The following SIPA1L1 variants were observed in gnomAD, a reference collection of about 807,000 sequenced individuals.
The protein encoded by SIPA1L1 is signal induced proliferation associated 1 like 1, also known as signal-induced proliferation-associated 1-like protein 1.
A neutral mutation model predicts 162.7 loss-of-function variants in SIPA1L1; 26 were observed. The observed-to-expected ratio is 0.16, with a 90% CI of 0.12 to 0.22. SIPA1L1 has a LOEUF of 0.22. SIPA1L1 is among the 10% of genes least tolerant of loss of function. The pLI is 1.00. For missense variants in SIPA1L1, 1,874 were observed against 2,241.0 expected (o/e 0.84, Z 3.31); for synonymous variants, 829 against 837.4 (o/e 0.99, Z 0.17).
intron 5 of SIPA1L1, among the ~76,000 whole-genome samples, chr14:71,599,002 T>TCTACCTCCATGAAATCAAGTCTTTTAG: frequency 6.6e-6 from 1 of 152,148 alleles, no homozygotes; most frequent in Non-Finnish European, 1.5e-5. Flanking sequence ...CGTTACACTC[T>TCTACCTCCATGAAATCAAGTCTTTTAG]CTACCTCCAT....
In SIPA1L1 at chr14:71,540,970, G is replaced by GA. The variant is rs1461470861; in HGVS notation, c.-303+11608dup. ...GGTGAAACCCCAACTCTACTAAAAA[G>GA]AAAAAAAATTAGCCAGACGTGGTGG... On this transcript the variant is annotated intron_variant, in intron 4 of 23. Transcript: ENST00000381232. 2.6e-5 allele frequency among the ~76,000 whole-genome samples: 4 copies of GA among 151,574 alleles called. No homozygotes were observed. In the South Asian group the frequency reaches 6.3e-4, roughly 24 times the overall value.
At chr14:71,505,970 C>CT (rs398043824) in intron 2 of SIPA1L1, among the ~76,000 whole-genome samples, 1 of 142,694 alleles carries the variant, frequency 7.0e-6, no homozygotes, top group Non-Finnish European at 1.5e-5. Flanking sequence ...TCCCCCCCCC[C>CT]AAAAAAAAAA....
At chr14:71,464,272 C>T (rs1268696143) in intron 2 of SIPA1L1, among the ~76,000 whole-genome samples, 1 of 152,152 alleles carries the variant, frequency 6.6e-6, no homozygotes, top group Non-Finnish European at 1.5e-5. Flanking sequence ...CAGTGGGCCA[C>T]CTTTTAATCC....
chr14:71,682,788 T>C (rs137918096), intron 12 of SIPA1L1, among the ~76,000 whole-genome samples: 57 of 152,376 alleles, frequency 3.7e-4, no homozygotes. Flanking sequence ...ATTGCTGTTA[T>C]TGTGTCTGTT....
intron 2 of SIPA1L1, among the ~76,000 whole-genome samples, chr14:71,398,869 G>A (rs2041437990): frequency 6.6e-6 from 1 of 152,230 alleles, no homozygotes; most frequent in Non-Finnish European, 1.5e-5. Flanking sequence ...GGAAGTTCAA[G>A]ATCATCATGA....
At position 71,377,414 on chromosome 14, in the gene SIPA1L1, G is replaced by T. The variant is rs1053268988; in HGVS notation, c.-465+56233G>T. On this transcript the variant is annotated intron_variant, in intron 2 of 23. Coordinates refer to ENST00000381232, the MANE Select transcript of SIPA1L1 (RefSeq NM_001386936.1). The surrounding 1 kb of genome is among the most constrained non-coding windows in gnomAD (Gnocchi z 4.8). ...GGGCAGAGGCACTCCTCACCTCCCAGACAGGGTGGCAGCCGGGTAGAGATG... is the reference window on the plus strand; with the variant it reads ...GGGCAGAGGCACTCCTCACCTCCCATACAGGGTGGCAGCCGGGTAGAGATG... Among the ~76,000 whole-genome samples, 2 of 151,586 alleles carry T rather than the reference G, an allele frequency of 1.3e-5. No homozygotes were observed. The highest frequency in any genetic ancestry group is 6.6e-5 in the Admixed American group (1 of 15,240).
In SIPA1L1 at chr14:71,709,526, A is replaced by G; in HGVS notation, c.4070A>G (p.Glu1357Gly). 1 of 1,614,202 alleles carries G rather than the reference A, an allele frequency of 6.2e-7. No individual in the cohort carries two copies. Residue 1357 changes from glutamate to glycine, a missense_variant, in exon 17 of 24, where the codon GAG (glutamate) becomes GGG (glycine). Glu to Gly is a moderately conservative substitution (Grantham distance 98). Coordinates refer to ENST00000381232, the MANE Select transcript of SIPA1L1 (RefSeq NM_001386936.1). ...EVISMADRTL[E>G]TESHGLDRKT... ...ATCTCCATGGCAGATCGGACTTTGG[A>G]GACAGAGAGCCACGGCCTGGACCGG...
intron 2 of SIPA1L1, among the ~76,000 whole-genome samples, chr14:71,425,020 CTAGGTTATCCAGTTTTTTT>C (rs2043460558): frequency 6.6e-6 from 1 of 151,796 alleles, no homozygotes; most frequent in African/African-American, 2.4e-5. Flanking sequence ...TCCATTTTTT[CTAGGTTATCCAGTTTTTTT>C]GCATACAGTT....
At position 71,588,202 on chromosome 14, in the gene SIPA1L1, C is replaced by T. The variant is rs2034841858; in HGVS notation, c.330C>T (p.Ser110=). 1.2e-6 allele frequency: 2 copies of T among 1,614,166 alleles called. No homozygotes were observed. Among genetic ancestry groups the T allele is most frequent in the Non-Finnish European group, 8.5e-7 (1 of 1,180,000 alleles). Residue 110 remains serine, a synonymous_variant, in exon 5 of 24, where the codon TCC becomes TCT. Transcript: ENST00000381232. The surrounding 1 kb of genome is among the most constrained non-coding windows in gnomAD (Gnocchi z 4.3). ...IETSSCLDSL[S]SKSSPVSQGS... is the part of the protein sequence containing the mutation. ...CCTCAAGTTGCCTTGATAGCCTGTC[C>T]TCCAAAAGCAGTCCTGTGAGTCAGG...
chr14:71,419,590 C>T (rs1378541733), intron 2 of SIPA1L1, among the ~76,000 whole-genome samples: 3 of 150,612 alleles, frequency 2.0e-5, no homozygotes, highest in Non-Finnish European at 3.0e-5. Context: ...CTCCGCTTCC[C>T]GGGTTCACGC....
chr14:71,439,374 G>A (rs903878438), intron 2 of SIPA1L1, among the ~76,000 whole-genome samples: 21 of 152,212 alleles, frequency 1.4e-4, no homozygotes, highest in Admixed American at 1.4e-3. Context: ...GGAGCATTCT[G>A]TGTTTGTCAT....
At chr14:71,546,710 A>C (rs908501292) in intron 4 of SIPA1L1, among the ~76,000 whole-genome samples, 2 of 152,148 alleles carry the variant, frequency 1.3e-5, no homozygotes, top group African/African-American at 4.8e-5. Flanking sequence ...GAGCAGGTAC[A>C]ATATGACTAA....
intron 2 of SIPA1L1, among the ~76,000 whole-genome samples, chr14:71,438,489 C>G (rs146095451): frequency 6.6e-6 from 1 of 152,294 alleles, no homozygotes; most frequent in African/African-American, 2.4e-5. Context: ...CCTTTTTCAT[C>G]CTTATTCCCA....
At chr14:71,355,301 T>G (rs766844939) in intron 2 of SIPA1L1, among the ~76,000 whole-genome samples, 1 of 152,240 alleles carries the variant, frequency 6.6e-6, no homozygotes, top group Non-Finnish European at 1.5e-5. Context: ...GCATAATCAC[T>G]TCTCAGTGCT....
At chr14:71,679,532 A>G (rs112145621) in intron 12 of SIPA1L1, among the ~76,000 whole-genome samples, 62 of 152,328 alleles carry the variant, frequency 4.1e-4, no homozygotes, top group African/African-American at 1.4e-3. Flanking sequence ...TGAACTAACA[A>G]GCAAAATAAC....
chr14:71,323,239 T>G (rs2033336992), intron 2 of SIPA1L1, among the ~76,000 whole-genome samples: 1 of 152,260 alleles, frequency 6.6e-6, no homozygotes, highest in Admixed American at 6.5e-5. Context: ...TTTGTAGACT[T>G]CGGGGGGATC....
intron 4 of SIPA1L1, among the ~76,000 whole-genome samples, chr14:71,537,367 A>G (rs892760746): frequency 6.6e-6 from 1 of 151,872 alleles, no homozygotes; most frequent in Non-Finnish European, 1.5e-5. Context: ...GGCCCGGCTA[A>G]TTTTTGGTAT....
At chr14:71,525,399 G>T (rs1408651543) in intron 3 of SIPA1L1, among the ~76,000 whole-genome samples, 1 of 152,058 alleles carries the variant, frequency 6.6e-6, no homozygotes, top group African/African-American at 2.4e-5. Context: ...TAGCCAGAAT[G>T]GTCTCCATCT....
At chr14:71,579,253 G>T (rs1433731762) in intron 4 of SIPA1L1, among the ~76,000 whole-genome samples, 2 of 151,952 alleles carry the variant, frequency 1.3e-5, no homozygotes, top group Admixed American at 6.6e-5. Context: ...TATCTTACAT[G>T]TATTTTCTGC....
Sources: gnomAD v4.1 joint callset for allele counts (sites outside exome capture counted in the v4.1 genomes callset) on GRCh38, gnomAD v4.1.1 for gene constraint, Gnocchi (gnomAD v3.1) non-coding constraint, MANE v1.5 for transcripts, NCBI Gene and HGNC (gene_info 2026-07-23, HGNC 2026-07-21) for gene names.